Variants in LRRC4C observed in about 807,000 individuals in gnomAD.
LRRC4C encodes leucine-rich repeat-containing protein 4C.
In LRRC4C, 5 loss-of-function variants were observed where a neutral mutation model predicts 33.6. The ratio of observed to expected loss-of-function variants is 0.15; its 90% CI spans 0.08 to 0.31. The LOEUF is 0.31. Among genes scored for constraint, LRRC4C ranks in the 10% least tolerant of loss-of-function variants. The pLI is 1.00. For synonymous variants in LRRC4C, 329 were observed against 302.0 expected, an observed-to-expected ratio of 1.09 and a Z score of -0.93; for missense variants, 560 against 796.7, an observed-to-expected ratio of 0.70 and a Z score of 3.58.
At chr11:40,165,351 G>C (rs1017579271) in intron 5 of LRRC4C, among the ~76,000 whole-genome samples, 6 of 152,118 alleles carry the variant, frequency 3.9e-5, no homozygotes, top group African/African-American at 1.4e-4. Context: ...GGGAGTTTGT[G>C]TGTGCATCTA....
chr11:40,665,672 T>TG (rs1211597969), intron 2 of LRRC4C, among the ~76,000 whole-genome samples: 1 of 151,870 alleles, frequency 6.6e-6, no homozygotes, highest in Non-Finnish European at 1.5e-5. Context: ...ATACTACTCA[T>TG]GAGTGTGTAA....
chr11:40,928,555 A>G (rs575798028), intron 2 of LRRC4C, among the ~76,000 whole-genome samples: 1 of 152,136 alleles, frequency 6.6e-6, no homozygotes, highest in Non-Finnish European at 1.5e-5. Context: ...GCTAACATTT[A>G]TTGAATATTT....
In LRRC4C at chr11:41,406,529, A is replaced by C. The variant is rs77391478; in HGVS notation, c.-496+52902T>G. The stretch of plus-strand genomic sequence containing the variant: ...GGTCTCTGTACTTACGCAATGTACA[A>C]TCTGAAGAATTTCCACCTCCTTCTC... On this transcript the variant is annotated intron_variant, in intron 1 of 6. Transcript: ENST00000528697. Among the ~76,000 whole-genome samples, 3 of 151,996 alleles carry C rather than the reference A, an allele frequency of 2.0e-5. No individual in the cohort carries two copies. The South Asian group carries it at 6.2e-4, about 31-fold the overall frequency.
intron 1 of LRRC4C, among the ~76,000 whole-genome samples, chr11:41,406,622 A>G (rs1290062510): frequency 6.6e-6 from 1 of 151,048 alleles, no homozygotes; most frequent in Non-Finnish European, 1.5e-5. Flanking sequence ...GAGTCCAGCC[A>G]TCTCATATTA....
At chr11:40,566,943 T>C (rs1372404334) in intron 3 of LRRC4C, among the ~76,000 whole-genome samples, 1 of 152,106 alleles carries the variant, frequency 6.6e-6, no homozygotes, top group Non-Finnish European at 1.5e-5. Flanking sequence ...AACACAGAGA[T>C]CTTAGGTCAT....
At chr11:40,198,003 T>A (rs2135697181) in intron 5 of LRRC4C, among the ~76,000 whole-genome samples, 1 of 152,268 alleles carries the variant, frequency 6.6e-6, no homozygotes, top group African/African-American at 2.4e-5. Context: ...ATGAGAAAAT[T>A]ATCAGCCTTT....
intron 2 of LRRC4C, among the ~76,000 whole-genome samples, chr11:40,749,297 G>T (rs1446547391): frequency 1.3e-5 from 2 of 151,938 alleles, no homozygotes; most frequent in Non-Finnish European, 2.9e-5. Flanking sequence ...GGAATAAAAT[G>T]AGATTAATAC....
chr11:40,314,858 A>G (rs183283523), intron 4 of LRRC4C, among the ~76,000 whole-genome samples: 54 of 152,188 alleles, frequency 3.5e-4, no homozygotes, highest in Middle Eastern at 3.4e-3. Context: ...AGTTGATCTC[A>G]TAATAGTAAA....
chr11:40,336,220 TCTC>T (rs572257394), intron 3 of LRRC4C, among the ~76,000 whole-genome samples: 67 of 152,258 alleles, frequency 4.4e-4, no homozygotes, highest in African/African-American at 1.5e-3. Context: ...GCTGAACCTC[TCTC>T]CTCTTTTTTT....
At chr11:40,596,288 C>T (rs10837439) in intron 3 of LRRC4C, among the ~76,000 whole-genome samples, 36,526 of 151,902 alleles carry the variant, frequency 0.24, 4,767 homozygotes, top group East Asian at 0.5. Flanking sequence ...AACATATAAA[C>T]CCAATAGTCT....
chr11:41,292,290 T>C (rs1950014439), intron 1 of LRRC4C, among the ~76,000 whole-genome samples: 1 of 152,092 alleles, frequency 6.6e-6, no homozygotes, highest in African/African-American at 2.4e-5. Flanking sequence ...TTCCCTCTGC[T>C]CCTGGACAAG....
intron 2 of LRRC4C, among the ~76,000 whole-genome samples, chr11:40,689,193 T>G (rs1357601236): frequency 1.3e-5 from 2 of 152,108 alleles, no homozygotes; most frequent in Non-Finnish European, 2.9e-5. Flanking sequence ...CTCTGCTTTA[T>G]CTTGTTTAAA....
chr11:40,893,922 C>T (rs1388241517), intron 2 of LRRC4C, among the ~76,000 whole-genome samples: 1 of 152,006 alleles, frequency 6.6e-6, no homozygotes, highest in East Asian at 1.9e-4. Flanking sequence ...AGCTGCTCTG[C>T]TTCTTGACAA....
chr11:41,025,519 TA>T (rs1277367475), intron 1 of LRRC4C, among the ~76,000 whole-genome samples: 2 of 79,800 alleles, frequency 2.5e-5, no homozygotes, highest in Non-Finnish European at 5.7e-5. Context: ...GGCCTGAAGG[TA>T]AAAAAAAAGA....
chr11:40,294,995 G>T (rs974660194), intron 4 of LRRC4C, among the ~76,000 whole-genome samples: 1 of 152,132 alleles, frequency 6.6e-6, no homozygotes, highest in Admixed American at 6.5e-5. Flanking sequence ...ATGCAGTGTT[G>T]CAGTAAATTG....
At chr11:40,595,107 A>G (rs1203041736) in intron 3 of LRRC4C, among the ~76,000 whole-genome samples, 1 of 152,020 alleles carries the variant, frequency 6.6e-6, no homozygotes, top group Non-Finnish European at 1.5e-5. Context: ...ATTTTTCCCA[A>G]GATAATAGTG....
intron 3 of LRRC4C, among the ~76,000 whole-genome samples, chr11:40,323,762 C>G (rs552649505): frequency 1.7e-4 from 26 of 152,292 alleles, no homozygotes; most frequent in African/African-American, 6.0e-4. Flanking sequence ...GATCCTACCT[C>G]AAGGAACCCA....
At chr11:40,721,037 A>G (rs1946985286) in intron 2 of LRRC4C, among the ~76,000 whole-genome samples, 1 of 152,206 alleles carries the variant, frequency 6.6e-6, no homozygotes, top group African/African-American at 2.4e-5. Context: ...ACTTACTATT[A>G]GTAAAGAAGA....
At chr11:41,321,336 TA>T (rs879305357) in intron 1 of LRRC4C, among the ~76,000 whole-genome samples, 1,886 of 149,570 alleles carry the variant, frequency 0.013, 154 homozygotes, top group Admixed American at 0.11. Flanking sequence ...CAATTCTACC[TA>T]AAAAAAAAAT....
Sources: gnomAD v4.1 joint callset for allele counts (sites outside exome capture counted in the v4.1 genomes callset) on GRCh38, gnomAD v4.1.1 for gene constraint, MANE v1.5 for transcripts, NCBI Gene and HGNC (gene_info 2026-07-23, HGNC 2026-07-21) for gene names.